The following CUL2 variants were observed in gnomAD, a reference collection of about 807,000 sequenced individuals.
CUL2 encodes cullin-2.
A neutral mutation model predicts 110.2 loss-of-function variants in CUL2; 22 were observed. The ratio of observed to expected loss-of-function variants is 0.20; its 90% CI spans 0.14 to 0.28. CUL2 has a LOEUF of 0.28. Among genes scored for constraint, CUL2 ranks in the 10% least tolerant of loss-of-function variants. The pLI, the probability that CUL2 is intolerant of heterozygous loss-of-function variation, is 1.00. For synonymous variants in CUL2, 279 were observed against 293.2 expected (o/e 0.95, Z 0.49); for missense variants, 631 against 905.5 (o/e 0.70, Z 3.89).
intron 1 of CUL2, among the ~76,000 whole-genome samples, chr10:35,101,280 G>A (rs1209138235): frequency 1.3e-5 from 2 of 152,190 alleles, no homozygotes; most frequent in Non-Finnish European, 2.9e-5. Context: ...GGCAATAGTG[G>A]CTTATAATTG....
chr10:35,073,839 C>T (rs1373107827), intron 1 of CUL2, among the ~76,000 whole-genome samples: 1 of 152,132 alleles, frequency 6.6e-6, no homozygotes, highest in Non-Finnish European at 1.5e-5. Context: ...CTCCTGACCT[C>T]AAGTGATCCA....
intron 1 of CUL2, among the ~76,000 whole-genome samples, chr10:35,102,565 C>G (rs1006908114): frequency 6.6e-6 from 1 of 151,832 alleles, no homozygotes; most frequent in Non-Finnish European, 1.5e-5. Context: ...GAGCTAGACT[C>G]TGTCTCAAAA....
intron 1 of CUL2, among the ~76,000 whole-genome samples, chr10:35,119,341 G>A (rs982508417): frequency 6.6e-6 from 1 of 152,052 alleles, no homozygotes; most frequent in Non-Finnish European, 1.5e-5. Flanking sequence ...GAATTCTAAA[G>A]GTCCAACTCT....
At chr10:35,100,032 C>T (rs1479673950) in intron 2 of CUL2, among the ~76,000 whole-genome samples, 1 of 151,960 alleles carries the variant, frequency 6.6e-6, no homozygotes, top group African/African-American at 2.4e-5. Flanking sequence ...TCTGAAACTC[C>T]TGGTCTCAAG....
In CUL2 at chr10:35,042,297, C is replaced by T. The variant is rs1023535074; in HGVS notation, c.714+2269G>A. 2.6e-5 allele frequency among the ~76,000 whole-genome samples: 4 copies of T among 152,142 alleles called. No homozygotes were observed. The South Asian group carries it at 8.3e-4, about 31-fold the overall frequency. ...GTCTGTCTTTTTCCACTTAGCATAA[C>T]ATTTTCATGGTTCATCCATGTTGTA... On this transcript the variant is annotated intron_variant, in intron 8 of 20. Transcript: ENST00000374749.
At chr10:35,022,175 A>G (rs971262286) in intron 17 of CUL2, among the ~76,000 whole-genome samples, 5 of 152,144 alleles carry the variant, frequency 3.3e-5, no homozygotes, top group Non-Finnish European at 7.3e-5. Flanking sequence ...TGAGACATAG[A>G]AAATGTTCTT....
At chr10:35,050,822 A>G (rs2086083623) in intron 5 of CUL2, among the ~76,000 whole-genome samples, 2 of 152,264 alleles carry the variant, frequency 1.3e-5, no homozygotes, top group African/African-American at 4.8e-5. Context: ...CATAAGCAAC[A>G]GATTCTCTGA....
At chr10:35,086,123 C>T (rs936671123) in intron 1 of CUL2, among the ~76,000 whole-genome samples, 1 of 151,570 alleles carries the variant, frequency 6.6e-6, no homozygotes, top group East Asian at 1.9e-4. Context: ...AGTCCCAGCT[C>T]GGGAAGTGGA....
intron 2 of CUL2, among the ~76,000 whole-genome samples, chr10:35,097,831 T>C (rs1296505073): frequency 6.6e-6 from 1 of 151,968 alleles, no homozygotes; most frequent in Non-Finnish European, 1.5e-5. Context: ...TGGTGGTGCA[T>C]GCCTGTAGTC....
At chr10:35,063,355 A>C (rs2086433160) in intron 2 of CUL2, among the ~76,000 whole-genome samples, 1 of 152,188 alleles carries the variant, frequency 6.6e-6, no homozygotes, top group Non-Finnish European at 1.5e-5. Flanking sequence ...CTGGAAAATC[A>C]AATTACCCAG....
chr10:35,123,781 G>A (rs2087705925), intron 1 of CUL2, among the ~76,000 whole-genome samples: 1 of 152,234 alleles, frequency 6.6e-6, no homozygotes, highest in African/African-American at 2.4e-5. Context: ...CATGGGCCAT[G>A]TAAGTGAGAA....
chr10:35,044,910 T>A (rs371939971), intron 6 of CUL2, 42 bp from the exon 7 acceptor site: 3 of 1,483,694 alleles, frequency 2.0e-6, no homozygotes, highest in African/African-American at 1.4e-5. Context: ...AGAATACAAA[T>A]TATCTATGGA....
At chr10:35,014,797 C>T (rs891536514) in intron 18 of CUL2, among the ~76,000 whole-genome samples, 2 of 152,124 alleles carry the variant, frequency 1.3e-5, no homozygotes, top group African/African-American at 2.4e-5. Flanking sequence ...GGCACCACTG[C>T]ACTCCAACCT....
intron 19 of CUL2, 102 bp downstream of exon 19, chr10:35,013,596 AT>A: frequency 1.4e-6 from 1 of 696,440 alleles, no homozygotes; most frequent in Admixed American, 3.5e-5. Context: ...CCCATTATTA[AT>A]TTTGCTGTGC....
At chr10:35,048,501 G>T (rs1206348637) in intron 6 of CUL2, among the ~76,000 whole-genome samples, 1 of 152,170 alleles carries the variant, frequency 6.6e-6, no homozygotes, top group Admixed American at 6.5e-5. Context: ...AAGTATAACA[G>T]TATTGTCATT....
At chr10:35,019,304 GGAGATCATGC>G (rs1286661701) in intron 17 of CUL2, among the ~76,000 whole-genome samples, 50 of 152,252 alleles carry the variant, frequency 3.3e-4, no homozygotes, top group Non-Finnish European at 5.9e-5. Flanking sequence ...AAGAGCATTA[GGAGATCATGC>G]GAGGGGCCAA....
At chr10:35,114,110 G>A (rs2087559408) in intron 1 of CUL2, among the ~76,000 whole-genome samples, 1 of 150,638 alleles carries the variant, frequency 6.6e-6, no homozygotes, top group South Asian at 2.1e-4. Flanking sequence ...CTTTAGTTGA[G>A]ACGGGGTTTC....
intron 4 of CUL2, among the ~76,000 whole-genome samples, chr10:35,055,154 G>A (rs962583720): frequency 1.3e-5 from 2 of 152,180 alleles, no homozygotes; most frequent in African/African-American, 4.8e-5. Context: ...AATAAAACAT[G>A]GAGAAAGGAC....
At chr10:35,011,444 C>A (rs1350056080) in intron 20 of CUL2, among the ~76,000 whole-genome samples, 2 of 151,902 alleles carry the variant, frequency 1.3e-5, no homozygotes, top group African/African-American at 4.8e-5. Flanking sequence ...ATGGTGAAAC[C>A]CTGTCTCTAC....
Sources: allele counts gnomAD v4.1 joint callset (sites outside exome capture counted in the v4.1 genomes callset), GRCh38; gene constraint gnomAD v4.1.1; transcripts MANE v1.5; gene names NCBI Gene and HGNC (gene_info 2026-07-23, HGNC 2026-07-21).